Variants in ITGA9 observed in about 807,000 individuals in gnomAD.
ITGA9 encodes the protein integrin alpha-9.
A neutral mutation model predicts 127.8 loss-of-function variants in ITGA9; 56 were observed. The ratio of observed to expected loss-of-function variants is 0.44; its 90% CI spans 0.35 to 0.55. The LOEUF (loss-of-function observed/expected upper bound fraction) is 0.55. ITGA9 is among the 20% of genes least tolerant of loss of function. ITGA9 has a pLI of 0.00. For missense variants in ITGA9, 1,196 were observed against 1,347.1 expected (o/e 0.89, Z 1.76); for synonymous variants, 508 against 514.5 (o/e 0.99, Z 0.17).
intron 17 of ITGA9, among the ~76,000 whole-genome samples, chr3:37,655,725 T>C (rs774983827): frequency 6.6e-6 from 1 of 152,258 alleles, no homozygotes; most frequent in Non-Finnish European, 1.5e-5. Flanking sequence ...ATTCTGGCTT[T>C]TGTTGCCATT....
intron 20 of ITGA9, among the ~76,000 whole-genome samples, chr3:37,737,265 G>T (rs531845244): frequency 6.6e-6 from 1 of 152,350 alleles, no homozygotes; most frequent in South Asian, 2.1e-4. Context: ...GCCCAGGGGG[G>T]TGAGGCTCTA....
chr3:37,803,971 G>T, intron 27 of ITGA9, 29 bp downstream of exon 27: 1 of 1,613,848 alleles, frequency 6.2e-7, no homozygotes. Flanking sequence ...GGTCCCCCTG[G>T]GGTCCCCACT....
At chr3:37,603,233 G>C (rs888742258) in intron 15 of ITGA9, among the ~76,000 whole-genome samples, 41 of 149,224 alleles carry the variant, frequency 2.7e-4, no homozygotes, top group African/African-American at 9.5e-4. Flanking sequence ...AGAACTGTGG[G>C]GTGAAAATAT....
chr3:37,801,597 C>T (rs1697235706), intron 26 of ITGA9, among the ~76,000 whole-genome samples: 1 of 152,142 alleles, frequency 6.6e-6, no homozygotes, highest in African/African-American at 2.4e-5. Flanking sequence ...GATTGCACCA[C>T]TGCACTCCAC....
chr3:37,764,265 A>G (rs1169935717), intron 23 of ITGA9, among the ~76,000 whole-genome samples: 1 of 151,862 alleles, frequency 6.6e-6, no homozygotes, highest in East Asian at 1.9e-4. Flanking sequence ...CTCTCTCCAT[A>G]TTCTCCAAAT....
intron 16 of ITGA9, among the ~76,000 whole-genome samples, chr3:37,649,598 G>A (rs1191780091): frequency 1.3e-5 from 2 of 152,248 alleles, no homozygotes; most frequent in South Asian, 2.1e-4. Context: ...AGGAGAAATT[G>A]ATAGCACTAT....
At chr3:37,549,411 G>A (rs1244253532) in intron 15 of ITGA9, among the ~76,000 whole-genome samples, 2 of 152,194 alleles carry the variant, frequency 1.3e-5, no homozygotes, top group Non-Finnish European at 2.9e-5. Flanking sequence ...TATGGTCACA[G>A]CATTGACACT....
chr3:37,491,897 A>G (rs1357712348), intron 4 of ITGA9, among the ~76,000 whole-genome samples: 1 of 152,226 alleles, frequency 6.6e-6, no homozygotes, highest in Non-Finnish European at 1.5e-5. Context: ...AGGTTAAAAT[A>G]ATAGTAGTGC....
chr3:37,524,842 A>T (rs958360704), intron 12 of ITGA9, among the ~76,000 whole-genome samples: 18 of 152,224 alleles, frequency 1.2e-4, no homozygotes, highest in Non-Finnish European at 2.5e-4. Flanking sequence ...TTCACAATGG[A>T]TCTGAATTTC....
chr3:37,780,135 A>G, intron 25 of ITGA9, 114 bp downstream of exon 25: 1 of 1,288,432 alleles, frequency 7.8e-7, no homozygotes, highest in South Asian at 1.2e-5. Flanking sequence ...TGTCCTCATG[A>G]CAATCTGGCT....
chr3:37,452,502 C>A lies in ITGA9; in HGVS notation c.128C>A (p.Pro43His). ...DPQRPVHFQG[P>H]ADSFFGYAVL... ...CAGCGCCCCGTGCACTTCCAGGGCC[C>A]CGCTGACTCGTTCTTCGGCTACGCA... Residue 43 changes from proline (P) to histidine (H), a missense_variant, in exon 1 of 28, where the codon CCC becomes CAC. Physicochemically the swap from Pro to His is moderately conservative, Grantham distance 77 (BLOSUM62 -2). Coordinates refer to ENST00000264741, the MANE Select transcript of ITGA9 (RefSeq NM_002207.3). The surrounding 1 kb of genome is among the most constrained non-coding windows in gnomAD (Gnocchi z 7.3). The A allele has an allele frequency of 6.6e-7, 1 of 1,524,414 alleles. No individual in the cohort carries two copies. Among genetic ancestry groups the A allele is most frequent in the South Asian group, 1.2e-5 (1 of 81,426 alleles). The allele number at this position is 1,524,414 out of a possible 1,614,324, so 94.4% of individuals were successfully genotyped here.
chr3:37,743,993 G>A lies in ITGA9; in HGVS notation c.2392G>A (p.Asp798Asn), dbSNP rs1316167520. The A allele has an allele frequency of 6.2e-7, 1 of 1,614,138 alleles. No homozygotes were observed. The highest frequency in any genetic ancestry group is 8.5e-7 in the Non-Finnish European group (1 of 1,179,994). ...VDAANFIQLD[D>N]LECHFQPINI... ...CGCAGCCAACTTCATTCAGCTGGAT[G>A]ACCTGGAGTGTCACTTTCAGCCCAT... is the stretch of plus-strand genomic sequence containing the variant. The change falls in exon 22 of 28, where the codon GAC becomes AAC. Residue 798 changes from aspartate (D) to asparagine (N), a missense_variant. Asp to Asn is a conservative substitution (Grantham distance 23). Transcript: ENST00000264741.
intron 20 of ITGA9, among the ~76,000 whole-genome samples, chr3:37,737,599 A>C (rs984409608): frequency 1.3e-5 from 2 of 152,166 alleles, no homozygotes; most frequent in African/African-American, 4.8e-5. Flanking sequence ...GGGAGTTACA[A>C]GATGCCTTCT....
At chr3:37,504,024 C>T (rs761065986) in intron 6 of ITGA9, among the ~76,000 whole-genome samples, 1 of 152,230 alleles carries the variant, frequency 6.6e-6, no homozygotes, top group Non-Finnish European at 1.5e-5. Flanking sequence ...TGCTCTTTCG[C>T]ACTCATGATA....
At chr3:37,574,848 C>T (rs374921924) in intron 15 of ITGA9, among the ~76,000 whole-genome samples, 5 of 152,112 alleles carry the variant, frequency 3.3e-5, no homozygotes, top group Admixed American at 1.3e-4. Flanking sequence ...AGGTCCATAT[C>T]GGGATTGGGG....
chr3:37,519,436 C>A, intron 11 of ITGA9, 82 bp downstream of exon 11: 1 of 1,100,796 alleles, frequency 9.1e-7, no homozygotes. Flanking sequence ...TGCACCATGC[C>A]CTGGAGGTAC....
intron 26 of ITGA9, among the ~76,000 whole-genome samples, chr3:37,792,273 G>A (rs148853744): frequency 1.9e-3 from 285 of 152,348 alleles, no homozygotes; most frequent in Non-Finnish European, 3.3e-3. Flanking sequence ...CACTGTGCTA[G>A]GCACTGGGGA....
intron 17 of ITGA9, among the ~76,000 whole-genome samples, chr3:37,666,610 C>T (rs1277341528): frequency 6.6e-6 from 1 of 152,196 alleles, no homozygotes; most frequent in East Asian, 1.9e-4. Context: ...TACAGTGTGG[C>T]CAGGGCCCAA....
At chr3:37,558,301 C>G in intron 15 of ITGA9, among the ~76,000 whole-genome samples, 1 of 152,234 alleles carries the variant, frequency 6.6e-6, no homozygotes, top group East Asian at 1.9e-4. Flanking sequence ...AGCCCACCAG[C>G]ATGTGTTGAG....
Sources: gnomAD v4.1 joint callset for allele counts (sites outside exome capture counted in the v4.1 genomes callset) on GRCh38, gnomAD v4.1.1 for gene constraint, Gnocchi (gnomAD v3.1) non-coding constraint, MANE v1.5 for transcripts, NCBI Gene and HGNC (gene_info 2026-07-23, HGNC 2026-07-21) for gene names.